The following PARD3 variants were observed in gnomAD, a reference collection of about 807,000 sequenced individuals.
PARD3 encodes partitioning defective 3 homolog.
A neutral mutation model predicts 155.4 loss-of-function variants in PARD3; 75 were observed. That is an observed-to-expected ratio of 0.48 (90% confidence interval 0.40 to 0.58). The LOEUF (loss-of-function observed/expected upper bound fraction) is 0.58. Ranked by LOEUF, PARD3 falls within the 20% of genes least tolerant of loss-of-function variation. The probability of loss-of-function intolerance (pLI) is 0.00; values close to 1 mark genes in which losing one functional copy is unlikely to be tolerated. For missense variants in PARD3, 1,642 were observed against 1,721.7 expected (o/e 0.95, Z 0.82); for synonymous variants, 576 against 610.5 (o/e 0.94, Z 0.83).
chr10:34,444,221 A>C (rs2076619606), intron 5 of PARD3, among the ~76,000 whole-genome samples: 1 of 152,202 alleles, frequency 6.6e-6, no homozygotes, highest in Non-Finnish European at 1.5e-5. Flanking sequence ...GAAGGTTGTG[A>C]AAATGGCAGG....
intron 1 of PARD3, among the ~76,000 whole-genome samples, chr10:34,720,255 G>A (rs2094582937): frequency 6.6e-6 from 1 of 152,112 alleles, no homozygotes; most frequent in African/African-American, 2.4e-5. Flanking sequence ...CCAACATGGC[G>A]AAACCCTGTC....
Position 34,337,363 on chromosome 10 carries a change from A to G in PARD3, c.2472T>C (p.Ser824=). ...AFQREGFGRQ[S]MSEKRTKQFS... ...ATTGCTTTGTGCGTTTTTCTGACAT[A>G]CTCTGACGTCCAAATCCTTCTCGTT... Residue 824 remains serine, a synonymous_variant, in exon 17 of 25, where the codon AGT becomes AGC. Transcript: ENST00000374788. The G allele has an allele frequency of 3.1e-6, 5 of 1,603,420 alleles. No homozygotes were observed. Among genetic ancestry groups the G allele is most frequent in the Admixed American group, 1.7e-5 (1 of 58,358 alleles).
intron 2 of PARD3, among the ~76,000 whole-genome samples, chr10:34,585,449 T>TA (rs537680592): frequency 2.0e-3 from 298 of 152,078 alleles, no homozygotes; most frequent in African/African-American, 6.4e-3. Flanking sequence ...AATGTTAATT[T>TA]AAAAAAAATC....
intron 19 of PARD3, among the ~76,000 whole-genome samples, chr10:34,320,678 A>C (rs1284043987): frequency 6.6e-6 from 1 of 152,230 alleles, no homozygotes; most frequent in African/African-American, 2.4e-5. Flanking sequence ...TATTTTCTAA[A>C]GTATGTGAAA....
At chr10:34,557,329 A>T (rs1184526977) in intron 2 of PARD3, among the ~76,000 whole-genome samples, 1 of 152,172 alleles carries the variant, frequency 6.6e-6, no homozygotes, top group Non-Finnish European at 1.5e-5. Context: ...ATGCCTAGAA[A>T]ATAGTTATCA....
chr10:34,759,471 T>C (rs1251463799), intron 1 of PARD3, among the ~76,000 whole-genome samples: 1 of 152,206 alleles, frequency 6.6e-6, no homozygotes, highest in East Asian at 1.9e-4. Context: ...TGGTATCTAT[T>C]CCACGCATCA....
At chr10:34,459,361 C>T (rs529302600) in intron 4 of PARD3, among the ~76,000 whole-genome samples, 55 of 151,884 alleles carry the variant, frequency 3.6e-4, no homozygotes, top group Non-Finnish European at 7.2e-4. Context: ...TTAGTAGAGG[C>T]GGGGTTTCAC....
chr10:34,507,296 C>T (rs2081129200), intron 3 of PARD3, among the ~76,000 whole-genome samples: 1 of 151,994 alleles, frequency 6.6e-6, no homozygotes, highest in Admixed American at 6.6e-5. Flanking sequence ...CTTAAATGCT[C>T]ATCTTAAGAG....
chr10:34,432,259 T>G (rs922402445), intron 5 of PARD3, among the ~76,000 whole-genome samples: 1 of 150,832 alleles, frequency 6.6e-6, no homozygotes, highest in Non-Finnish European at 1.5e-5. Context: ...GAGACAAATA[T>G]TACATAGGTC....
chr10:34,151,978 T>C (rs1948803106), intron 22 of PARD3, among the ~76,000 whole-genome samples: 1 of 152,198 alleles, frequency 6.6e-6, no homozygotes, highest in South Asian at 2.1e-4. Flanking sequence ...TTTTAGAACT[T>C]TGGCAAATGA....
chr10:34,617,348 G>C (rs1285084773), intron 2 of PARD3, among the ~76,000 whole-genome samples: 1 of 152,164 alleles, frequency 6.6e-6, no homozygotes, highest in East Asian at 1.9e-4. Context: ...GGGGAAGGTA[G>C]GAAGAGATTG....
intron 2 of PARD3, among the ~76,000 whole-genome samples, chr10:34,553,112 A>G (rs931381039): frequency 2.6e-5 from 4 of 152,204 alleles, no homozygotes; most frequent in African/African-American, 9.6e-5. Context: ...GACTTAGCAG[A>G]ACGGAGGTTA....
At chr10:34,590,394 C>T (rs1487694532) in intron 2 of PARD3, among the ~76,000 whole-genome samples, 1 of 152,182 alleles carries the variant, frequency 6.6e-6, no homozygotes, top group East Asian at 1.9e-4. Flanking sequence ...TCCCCTACTT[C>T]CCAACTTTTC....
At position 34,347,972 on chromosome 10, in the gene PARD3, C is replaced by T; in HGVS notation, c.2211G>A (p.Arg737=). 3.1e-6 allele frequency: 5 copies of T among 1,611,342 alleles called. No homozygotes were observed. The highest frequency in any genetic ancestry group is 4.2e-6 in the Non-Finnish European group (5 of 1,178,778). The change falls in exon 15 of 25, where the codon AGG becomes AGA. Residue 737 remains arginine (R), a synonymous_variant. Coordinates refer to ENST00000374788, the MANE Select transcript of PARD3 (RefSeq NM_001184785.2). ...ESPSRNAALS[R]IMGKYQLSPT... is the part of the protein sequence containing the mutation. ...GAGTTTTACCTGACTCACCCATTAT[C>T]CTACTGAGGGCAGCATTTCTGCTGG... is the stretch of plus-strand genomic sequence containing the variant.
At chr10:34,160,642 T>C (rs1048246158) in intron 22 of PARD3, among the ~76,000 whole-genome samples, 1 of 152,252 alleles carries the variant, frequency 6.6e-6, no homozygotes, top group Non-Finnish European at 1.5e-5. Context: ...TAATTTTCTA[T>C]AATCTTTTTT....
At chr10:34,531,862 G>C (rs1205595161) in intron 2 of PARD3, among the ~76,000 whole-genome samples, 1 of 152,164 alleles carries the variant, frequency 6.6e-6, no homozygotes, top group East Asian at 1.9e-4. Flanking sequence ...AAATGCATGA[G>C]AACCAAGAGC....
chr10:34,329,104 A>ATTTCTCAT (rs1272127975), intron 19 of PARD3, among the ~76,000 whole-genome samples: 58 of 152,252 alleles, frequency 3.8e-4, no homozygotes, highest in African/African-American at 1.1e-3. Flanking sequence ...ATATACTGTT[A>ATTTCTCAT]TTTCTCATTT....
rs1358086551 is a variant in PARD3, at chr10:34,109,877, G to T, written c.*1292C>A. 1.3e-5 allele frequency: 2 copies of T among 151,636 alleles called. No homozygotes were observed. The highest frequency in any genetic ancestry group is 2.9e-5 in the Non-Finnish European group (2 of 67,954). The allele number at this position is 151,636 out of a possible 1,614,324, so 9.4% of individuals were successfully genotyped here. ...TGTTTTTAAAGTAAATACATGGTAT[G>T]CTGAGCTTTCACCTCCAGCTTTTTC... On this transcript the variant is annotated 3_prime_UTR_variant, in exon 25 of 25. Coordinates refer to ENST00000374788, the MANE Select transcript of PARD3 (RefSeq NM_001184785.2).
chr10:34,440,089 T>TTTCCCA (rs1350036645), intron 5 of PARD3, among the ~76,000 whole-genome samples: 4 of 152,142 alleles, frequency 2.6e-5, no homozygotes, highest in Non-Finnish European at 5.9e-5. Context: ...TTCAAGACCA[T>TTTCCCA]GTTGAAGGTA....
Sources: gnomAD v4.1 joint callset for allele counts (sites outside exome capture counted in the v4.1 genomes callset) on GRCh38, gnomAD v4.1.1 for gene constraint, MANE v1.5 for transcripts, NCBI Gene and HGNC (gene_info 2026-07-23, HGNC 2026-07-21) for gene names.